Variants in TAOK3 observed in about 807,000 individuals in gnomAD.
TAOK3 encodes the protein TAO kinase 3.
TAOK3 carries 40 observed loss-of-function variants against 120.4 expected under a neutral mutation model. That is an observed-to-expected ratio of 0.33 (90% confidence interval 0.26 to 0.43). TAOK3 has a LOEUF of 0.43. Among genes scored for constraint, TAOK3 ranks in the 20% least tolerant of loss-of-function variants. TAOK3 has a pLI of 1.00. For missense variants in TAOK3, 821 were observed against 1,112.1 expected (o/e 0.74, Z 3.72); for synonymous variants, 355 against 387.5 (o/e 0.92, Z 0.99).
rs186472351 is a variant in TAOK3, at chr12:118,338,511, G to T, written c.-194+34137C>A. ...TTATGAAAACAGAGGAAGTGGGCTG[G>T]GCTTGGTGGCTCAGGCCTGTAATCC... On this transcript the variant is annotated intron_variant, in intron 1 of 20. Coordinates refer to ENST00000392533, the MANE Select transcript of TAOK3 (RefSeq NM_016281.4). Among the ~76,000 whole-genome samples, 548 of 152,234 alleles carry T rather than the reference G, an allele frequency of 3.6e-3. 1 individual carries two copies. Among genetic ancestry groups the T allele is most frequent in the African/African-American group, 0.012 (506 of 41,532 alleles).
At chr12:118,353,051 T>A (rs1489942631) in intron 1 of TAOK3, among the ~76,000 whole-genome samples, 2 of 152,192 alleles carry the variant, frequency 1.3e-5, no homozygotes, top group Non-Finnish European at 2.9e-5. Flanking sequence ...CATTTACTAT[T>A]TTTTCTTTCT....
chr12:118,194,223 G>A (rs1593115491), intron 13 of TAOK3, among the ~76,000 whole-genome samples: 2 of 152,072 alleles, frequency 1.3e-5, no homozygotes, highest in Admixed American at 1.3e-4. Context: ...CACTTTCTAC[G>A]CTGTGGAGAA....
At chr12:118,220,591 A>G (rs2039182487) in intron 9 of TAOK3, among the ~76,000 whole-genome samples, 1 of 152,084 alleles carries the variant, frequency 6.6e-6, no homozygotes, top group East Asian at 1.9e-4. Flanking sequence ...TAGGAGAAAC[A>G]GTGAAACAGA....
intron 9 of TAOK3, among the ~76,000 whole-genome samples, chr12:118,232,001 AT>A (rs1225081691): frequency 6.6e-6 from 1 of 152,186 alleles, no homozygotes; most frequent in African/African-American, 2.4e-5. Flanking sequence ...TTGATTTAAA[AT>A]TTATGAAAAT....
intron 14 of TAOK3, among the ~76,000 whole-genome samples, chr12:118,183,007 C>T (rs534904198): frequency 4.5e-4 from 68 of 151,920 alleles, no homozygotes; most frequent in Admixed American, 9.2e-4. Context: ...TCTTTATTTT[C>T]CTGATCACTT....
intron 1 of TAOK3, among the ~76,000 whole-genome samples, chr12:118,367,781 C>T (rs1395370084): frequency 6.1e-5 from 9 of 148,306 alleles, no homozygotes; most frequent in Non-Finnish European, 1.2e-4. Flanking sequence ...TTTTTTTTGG[C>T]GGGGGGTGGG....
chr12:118,356,917 G>A (rs887766238), intron 1 of TAOK3, among the ~76,000 whole-genome samples: 1 of 152,120 alleles, frequency 6.6e-6, no homozygotes, highest in Admixed American at 6.5e-5. Flanking sequence ...GTGAGACTCT[G>A]TCTCTAAATA....
intron 9 of TAOK3, among the ~76,000 whole-genome samples, chr12:118,226,052 C>T (rs1026288880): frequency 6.6e-6 from 1 of 152,094 alleles, no homozygotes; most frequent in Non-Finnish European, 1.5e-5. Flanking sequence ...CTAGCCTGGC[C>T]AACAAGGTAA....
chr12:118,325,198 ATCTC>A (rs2043887567), intron 1 of TAOK3, among the ~76,000 whole-genome samples: 1 of 152,210 alleles, frequency 6.6e-6, no homozygotes, highest in Non-Finnish European at 1.5e-5. Flanking sequence ...GACTGCAAAT[ATCTC>A]TCTGATTACT....
intron 1 of TAOK3, among the ~76,000 whole-genome samples, chr12:118,363,317 T>C (rs1485407501): frequency 6.6e-6 from 1 of 152,138 alleles, no homozygotes; most frequent in Non-Finnish European, 1.5e-5. Flanking sequence ...GCACACAGAA[T>C]TGTATGTATA....
intron 1 of TAOK3, among the ~76,000 whole-genome samples, chr12:118,318,008 A>G (rs1795764971): frequency 6.6e-6 from 1 of 152,184 alleles, no homozygotes; most frequent in Admixed American, 6.5e-5. Context: ...TGCCAAGACA[A>G]CAGGGAAAGG....
At chr12:118,196,049 C>CT (rs1256870243) in intron 13 of TAOK3, among the ~76,000 whole-genome samples, 4 of 89,762 alleles carry the variant, frequency 4.5e-5, no homozygotes, top group Admixed American at 1.2e-4. Flanking sequence ...GACTCCATCT[C>CT]AAAATAAATA....
intron 11 of TAOK3, 57 bp from the exon 12 acceptor site, chr12:118,201,520 A>C: frequency 1.4e-6 from 2 of 1,448,786 alleles, no homozygotes; most frequent in Non-Finnish European, 1.9e-6. Context: ...CTTAGGTGCA[A>C]GGTACAGATA....
intron 1 of TAOK3, among the ~76,000 whole-genome samples, chr12:118,267,343 G>A (rs1375210766): frequency 2.6e-5 from 4 of 151,648 alleles, no homozygotes; most frequent in Admixed American, 6.6e-5. Flanking sequence ...AGCCTCCCAA[G>A]TACTGGGATT....
In TAOK3 at chr12:118,208,349, T is replaced by A. The variant is rs544478744; in HGVS notation, c.819+4565A>T. ...AGGTAGATTTTTACCTCACTCCTTG[T>A]AACAAATTTTTGCATAACTCTCCCC... is the stretch of plus-strand genomic sequence containing the variant. On this transcript the variant is annotated intron_variant, in intron 11 of 20. Coordinates refer to ENST00000392533, the MANE Select transcript of TAOK3 (RefSeq NM_016281.4). 3.5e-3 allele frequency among the ~76,000 whole-genome samples: 534 copies of A among 152,218 alleles called. 4 individuals carry two copies. Among genetic ancestry groups the A allele is most frequent in the African/African-American group, 0.013 (523 of 41,536 alleles).
intron 5 of TAOK3, among the ~76,000 whole-genome samples, chr12:118,239,989 A>AAACC (rs998987689): frequency 2.0e-5 from 3 of 152,090 alleles, no homozygotes; most frequent in African/African-American, 7.2e-5. Flanking sequence ...CAACATGGTG[A>AAACC]AACCCCATCT....
At chr12:118,187,373 G>A (rs2037138597) in intron 14 of TAOK3, among the ~76,000 whole-genome samples, 2 of 151,890 alleles carry the variant, frequency 1.3e-5, no homozygotes, top group South Asian at 2.1e-4. Flanking sequence ...CATTTGAGCT[G>A]GGGTCCATAA....
chr12:118,219,015 T>C (rs1202842210), intron 9 of TAOK3, among the ~76,000 whole-genome samples: 1 of 152,196 alleles, frequency 6.6e-6, no homozygotes, highest in African/African-American at 2.4e-5. Context: ...TAACCATCAA[T>C]GGCTTCCCAT....
At chr12:118,193,558 C>T (rs944076593) in intron 13 of TAOK3, among the ~76,000 whole-genome samples, 5 of 152,136 alleles carry the variant, frequency 3.3e-5, no homozygotes, top group African/African-American at 9.7e-5. Context: ...CTGACCATTA[C>T]ACTTCTGAAA....
Sources: gnomAD v4.1 joint callset for allele counts (sites outside exome capture counted in the v4.1 genomes callset) on GRCh38, gnomAD v4.1.1 for gene constraint, MANE v1.5 for transcripts, NCBI Gene and HGNC (gene_info 2026-07-23, HGNC 2026-07-21) for gene names.